Variants in MOCOS observed in about 807,000 individuals in gnomAD.
The protein encoded by MOCOS is human molybdenum cofactor sulfurase.
Under a neutral mutation model 83.6 loss-of-function variants are expected in MOCOS, and 86 were observed. The ratio of observed to expected loss-of-function variants is 1.03; its 90% confidence interval spans 0.86 to 1.23. MOCOS has a LOEUF of 1.23. Ranked by LOEUF, MOCOS falls within the 50% of genes most tolerant of loss-of-function variation. MOCOS has a pLI of 0.00. For missense variants in MOCOS, 1,120 were observed against 1,126.9 expected (o/e 0.99, Z 0.09); for synonymous variants, 445 against 434.7 (o/e 1.02, Z -0.29).
chr18:36,230,595 G>T (rs1017481872), intron 9 of MOCOS, among the ~76,000 whole-genome samples: 1 of 152,122 alleles, frequency 6.6e-6, no homozygotes, highest in African/African-American at 2.4e-5. Flanking sequence ...ATTCTCTTGC[G>T]AGTGGCTTCA....
chr18:36,222,539 T>C (rs2091500176), intron 9 of MOCOS, among the ~76,000 whole-genome samples: 1 of 152,102 alleles, frequency 6.6e-6, no homozygotes, highest in Non-Finnish European at 1.5e-5. Context: ...TAGTACATCT[T>C]CTTTGGAGGA....
At position 36,266,817 on chromosome 18, in the gene MOCOS, T is replaced by A; in HGVS notation, c.2478T>A (p.His826Gln). The A allele has an allele frequency of 6.2e-7, 1 of 1,614,146 alleles. No homozygotes were observed. Among genetic ancestry groups the A allele is most frequent in the Non-Finnish European group, 8.5e-7 (1 of 1,180,042 alleles). The change falls in exon 14 of 15, where the codon CAT (histidine) becomes CAA (glutamine). Residue 826 changes from histidine (H) to glutamine (Q), a missense_variant. Transcript: ENST00000261326. The stretch of plus-strand genomic sequence containing the variant: ...AGCAAACTGGGCAACGAAACCAGCA[T>A]GTTTTCCAAAAACTTTCTGAGAGTC... ...IDQQTGQRNQ[H>Q]VFQKLSESRE...
intron 9 of MOCOS, among the ~76,000 whole-genome samples, chr18:36,237,861 GA>G (rs2091565423): frequency 6.7e-6 from 1 of 150,018 alleles, no homozygotes; most frequent in African/African-American, 2.5e-5. Flanking sequence ...TTAGTCTTGG[GA>G]GAGTGTATGT....
At chr18:36,210,936 A>G (rs547364703) in intron 6 of MOCOS, among the ~76,000 whole-genome samples, 1 of 150,562 alleles carries the variant, frequency 6.6e-6, no homozygotes, top group South Asian at 2.1e-4. Context: ...AGAAGCCTCC[A>G]AGAAGAAGAA....
chr18:36,256,929 A>T (rs762686160), intron 11 of MOCOS, 39 bp from the exon 12 acceptor site: 1 of 1,531,530 alleles, frequency 6.5e-7, no homozygotes, highest in Non-Finnish European at 9.1e-7. Flanking sequence ...TGGCATTCTG[A>T]GAAAGCAACT....
At chr18:36,202,236 C>T (rs753069494) in intron 4 of MOCOS, among the ~76,000 whole-genome samples, 1 of 152,090 alleles carries the variant, frequency 6.6e-6, no homozygotes, top group Non-Finnish European at 1.5e-5. Context: ...GAAGTACATC[C>T]CTTGACAGAA....
Position 36,204,894 on chromosome 18 carries a change from G to A in MOCOS, c.1019-183G>A, listed in dbSNP as rs60965838. Reference sequence around the variant, plus strand: ...TGTCGTCCCAGCTACTTGGGAGGCTGAGGTGAGAGGATCACCTGAGCCCAG... The same window carrying A: ...TGTCGTCCCAGCTACTTGGGAGGCTAAGGTGAGAGGATCACCTGAGCCCAG... On this transcript the variant is annotated intron_variant, in intron 5 of 14. Transcript: ENST00000261326. Among the ~76,000 whole-genome samples, 8,396 of 150,196 alleles carry A rather than the reference G, an allele frequency of 0.056. 262 individuals carry two copies. The highest frequency in any genetic ancestry group is 0.098 in the East Asian group (494 of 5,016).
At chr18:36,226,833 G>C (rs2091517725) in intron 9 of MOCOS, among the ~76,000 whole-genome samples, 1 of 149,200 alleles carries the variant, frequency 6.7e-6, no homozygotes, top group Admixed American at 6.7e-5. Context: ...TTTAAGCTTT[G>C]CTCCCCATAC....
At chr18:36,238,624 G>A (rs1373541684) in intron 9 of MOCOS, among the ~76,000 whole-genome samples, 2 of 144,924 alleles carry the variant, frequency 1.4e-5, no homozygotes, top group Non-Finnish European at 1.5e-5. Context: ...ATTTGGGGTG[G>A]AGAGTTCTGT....
intron 9 of MOCOS, among the ~76,000 whole-genome samples, chr18:36,247,123 C>T (rs1306910080): frequency 6.6e-6 from 1 of 152,086 alleles, no homozygotes; most frequent in African/African-American, 2.4e-5. Context: ...AAATAGGTCT[C>T]CAGAGACATG....
chr18:36,220,342 C>CAAAA, intron 9 of MOCOS, 125 bp downstream of exon 9: 12 of 843,734 alleles, frequency 1.4e-5, no homozygotes, highest in South Asian at 1.3e-4. Flanking sequence ...CTCATCTCTA[C>CAAAA]AAAAAAAAAA....
Position 36,269,800 on chromosome 18 carries a change from A to G in MOCOS, c.*1115A>G, listed in dbSNP as rs969561131. 1 of 152,208 alleles carries G rather than the reference A, an allele frequency of 6.6e-6. No individual in the cohort carries two copies. The highest frequency in any genetic ancestry group is 2.4e-5 in the African/African-American group (1 of 41,406). 9.4% of individuals were successfully genotyped at this position (152,208 alleles called of 1,614,324 possible). A position where few individuals can be genotyped will look rare whatever the true frequency, so the allele number is the denominator to read the frequency against. On this transcript the variant is annotated 3_prime_UTR_variant, in exon 15 of 15. Transcript: ENST00000261326. The stretch of plus-strand genomic sequence containing the variant: ...GTATTTTTCCAGTCACTTCTCCCCC[A>G]AATGTCTGCCTGCTGCAGCCCACTG...
At chr18:36,201,652 G>GA (rs1269932984) in intron 4 of MOCOS, among the ~76,000 whole-genome samples, 1 of 32,420 alleles carries the variant, frequency 3.1e-5, no homozygotes. Context: ...GACAGAGCAA[G>GA]ACTCCATCTC....
rs2091690825 is a variant in MOCOS at position 36,268,948 on chromosome 18, T to C, written c.*263T>C. 6.6e-6 allele frequency: 3 copies of C among 454,966 alleles called. No homozygotes were observed. Among genetic ancestry groups the C allele is most frequent in the Middle Eastern group, 6.1e-4 (1 of 1,648 alleles). The allele number at this position is 454,966 out of a possible 1,614,324, so 28.2% of individuals were successfully genotyped here. ...GAGGCTCCTGTAGGTATTTGAAGTA[T>C]AATCACTTGTAATCAGATGAAATTT... is the stretch of plus-strand genomic sequence containing the variant. On this transcript the variant is annotated 3_prime_UTR_variant, in exon 15 of 15. Transcript: ENST00000261326.
In MOCOS at chr18:36,200,137, G is replaced by A. The variant is rs774294736; in HGVS notation, c.754G>A (p.Ala252Thr). 2.5e-6 allele frequency: 4 copies of A among 1,614,102 alleles called. No individual in the cohort carries two copies. Among genetic ancestry groups the A allele is most frequent in the Admixed American group, 3.3e-5 (2 of 60,014 alleles). ...GAGCACCTCGCCTTTGGACCTGTCA[G>A]CTCACCAGGCCGACTTTGTCCCCAT... ...YVSTSPLDLS[A>T]HQADFVPISF... Residue 252 changes from alanine to threonine, a missense_variant, in exon 4 of 15, where the codon GCT (alanine) becomes ACT (threonine). Transcript: ENST00000261326.
chr18:36,236,754 C>G (rs1450262036), intron 9 of MOCOS, among the ~76,000 whole-genome samples: 1 of 141,212 alleles, frequency 7.1e-6, no homozygotes. Flanking sequence ...TTGATTCTTC[C>G]TACCCATGAG....
chr18:36,259,823 G>C (rs1198477601), intron 12 of MOCOS, among the ~76,000 whole-genome samples: 1 of 152,164 alleles, frequency 6.6e-6, no homozygotes, highest in East Asian at 1.9e-4. Flanking sequence ...ACTGGAGATG[G>C]GACCGTATCC....
intron 2 of MOCOS, among the ~76,000 whole-genome samples, chr18:36,196,931 T>C (rs2091390508): frequency 6.6e-6 from 1 of 152,180 alleles, no homozygotes; most frequent in South Asian, 2.1e-4. Context: ...TCTGCGTTAA[T>C]GAGCACATGT....
intron 1 of MOCOS, among the ~76,000 whole-genome samples, chr18:36,188,018 G>A (rs1254375712): frequency 1.3e-5 from 2 of 152,224 alleles, no homozygotes; most frequent in East Asian, 1.9e-4. Context: ...TGGGGCCGGG[G>A]TTGCAAAAGA....
Sources: allele counts gnomAD v4.1 joint callset (sites outside exome capture counted in the v4.1 genomes callset), GRCh38; gene constraint gnomAD v4.1.1; transcripts MANE v1.5; gene names NCBI Gene and HGNC (gene_info 2026-07-23, HGNC 2026-07-21).